The following OSBPL1A variants were observed in gnomAD, a reference collection of about 807,000 sequenced individuals.
The protein encoded by OSBPL1A is oxysterol-binding protein-related protein 1.
In OSBPL1A, 80 loss-of-function variants were observed where a neutral mutation model predicts 137.1. The ratio of observed to expected loss-of-function variants is 0.58; its 90% confidence interval spans 0.49 to 0.70. The LOEUF (loss-of-function observed/expected upper bound fraction) is 0.70. Among genes scored for constraint, OSBPL1A ranks in the 30% least tolerant of loss-of-function variants. The pLI, the probability that OSBPL1A is intolerant of heterozygous loss-of-function variation, is 0.00. For synonymous variants in OSBPL1A, 365 were observed against 389.7 expected (o/e 0.94, Z 0.75); for missense variants, 970 against 1,129.4 (o/e 0.86, Z 2.02).
chr18:24,270,697 G>A (rs145260227), intron 15 of OSBPL1A, among the ~76,000 whole-genome samples: 7 of 152,074 alleles, frequency 4.6e-5, no homozygotes, highest in African/African-American at 1.7e-4. Flanking sequence ...ATTAACTTCG[G>A]TGTGTCCTCA....
chr18:24,168,439 T>G (rs2086195009), intron 24 of OSBPL1A, among the ~76,000 whole-genome samples: 1 of 152,168 alleles, frequency 6.6e-6, no homozygotes, highest in Admixed American at 6.5e-5. Context: ...AAAAGAGAAT[T>G]TTTCATTAGA....
intron 17 of OSBPL1A, among the ~76,000 whole-genome samples, chr18:24,206,788 T>C (rs1347300187): frequency 1.3e-5 from 2 of 152,164 alleles, no homozygotes; most frequent in South Asian, 2.1e-4. Context: ...ACAATGAAAT[T>C]GGCTAGTTCC....
chr18:24,174,760 C>A (rs777019425), intron 21 of OSBPL1A, among the ~76,000 whole-genome samples: 1 of 151,856 alleles, frequency 6.6e-6, no homozygotes, highest in Admixed American at 6.6e-5. Context: ...TGCTGTTGAA[C>A]ATCTTTTTAA....
At chr18:24,214,405 C>T (rs1423012081) in intron 17 of OSBPL1A, among the ~76,000 whole-genome samples, 1 of 152,202 alleles carries the variant, frequency 6.6e-6, no homozygotes, top group Non-Finnish European at 1.5e-5. Flanking sequence ...CACACATCTA[C>T]TAACATCTCT....
intron 1 of OSBPL1A, among the ~76,000 whole-genome samples, chr18:24,395,687 C>T (rs2144297167): frequency 6.6e-6 from 1 of 151,836 alleles, no homozygotes; most frequent in South Asian, 2.1e-4. Context: ...ACAGCACGAT[C>T]TCCATTCACT....
intron 14 of OSBPL1A, among the ~76,000 whole-genome samples, chr18:24,300,963 G>A (rs1199902266): frequency 2.6e-5 from 4 of 151,972 alleles, no homozygotes; most frequent in South Asian, 2.1e-4. Flanking sequence ...CACCCTCCCG[G>A]GACTATAGGT....
intron 17 of OSBPL1A, among the ~76,000 whole-genome samples, chr18:24,197,605 A>G (rs531977315): frequency 6.6e-6 from 1 of 152,106 alleles, no homozygotes; most frequent in African/African-American, 2.4e-5. Context: ...AATCTGCTGG[A>G]TAAGTGGCCA....
intron 16 of OSBPL1A, among the ~76,000 whole-genome samples, chr18:24,232,273 G>C (rs897404307): frequency 4.6e-5 from 7 of 152,080 alleles, no homozygotes; most frequent in Non-Finnish European, 1.0e-4. Context: ...AGTCCAGAGG[G>C]GGCTGCCAAG....
intron 16 of OSBPL1A, 109 bp downstream of exon 16, chr18:24,239,111 A>C (rs571023298): frequency 8.3e-6 from 11 of 1,323,956 alleles, no homozygotes; most frequent in Admixed American, 2.5e-5. Flanking sequence ...TTATTCCAGG[A>C]AACTCTAGGT....
At chr18:24,338,550 C>T (rs1303712932) in intron 5 of OSBPL1A, among the ~76,000 whole-genome samples, 1 of 152,188 alleles carries the variant, frequency 6.6e-6, no homozygotes, top group Non-Finnish European at 1.5e-5. Context: ...ACTCCATCAA[C>T]TAGGCAATCA....
chr18:24,272,745 C>T (rs1391507568), intron 15 of OSBPL1A, among the ~76,000 whole-genome samples: 2 of 152,086 alleles, frequency 1.3e-5, no homozygotes, highest in African/African-American at 2.4e-5. Flanking sequence ...TCACAAGATC[C>T]TAGGTACTTT....
chr18:24,378,188 GAAGT>G (rs891099865), intron 1 of OSBPL1A, among the ~76,000 whole-genome samples: 1 of 152,028 alleles, frequency 6.6e-6, no homozygotes, highest in Non-Finnish European at 1.5e-5. Context: ...GCAATTCCCA[GAAGT>G]ATGTCATTCT....
intron 4 of OSBPL1A, among the ~76,000 whole-genome samples, chr18:24,355,810 C>T (rs1199933455): frequency 6.6e-6 from 1 of 151,936 alleles, no homozygotes; most frequent in Non-Finnish European, 1.5e-5. Context: ...CATGGTGAAA[C>T]CCTGACTCTA....
At chr18:24,239,027 C>T (rs2088593347) in intron 16 of OSBPL1A, among the ~76,000 whole-genome samples, 193 bp downstream of exon 16, 1 of 152,212 alleles carries the variant, frequency 6.6e-6, no homozygotes, top group Admixed American at 6.5e-5. Flanking sequence ...TTTCATTCCA[C>T]ACTTTCAGAC....
chr18:24,368,029 C>G, intron 3 of OSBPL1A: 1 of 262,820 alleles, frequency 3.8e-6, no homozygotes, highest in Non-Finnish European at 7.1e-6. Flanking sequence ...AAAATAAAAT[C>G]TTCATTAATA....
chr18:24,299,387 A>G (rs939586459), intron 14 of OSBPL1A, among the ~76,000 whole-genome samples: 2 of 152,090 alleles, frequency 1.3e-5, no homozygotes, highest in Non-Finnish European at 2.9e-5. Flanking sequence ...TTTGTTTCAC[A>G]ATTTAGAACT....
At chr18:24,190,151 A>T (rs1415685631) in intron 18 of OSBPL1A, among the ~76,000 whole-genome samples, 4 of 152,142 alleles carry the variant, frequency 2.6e-5, no homozygotes, top group African/African-American at 7.2e-5. Flanking sequence ...CAACACCTAC[A>T]CAGGAATGTG....
intron 7 of OSBPL1A, among the ~76,000 whole-genome samples, chr18:24,322,267 G>A (rs911663209): frequency 4.0e-5 from 6 of 149,496 alleles, no homozygotes; most frequent in East Asian, 3.9e-4. Flanking sequence ...CCACCATCAC[G>A]CCCGGCTAAT....
intron 15 of OSBPL1A, among the ~76,000 whole-genome samples, chr18:24,278,924 T>A (rs924716209): frequency 5.9e-5 from 9 of 152,240 alleles, no homozygotes; most frequent in African/African-American, 2.2e-4. Context: ...TGAGGAGGGA[T>A]ATTTTCAAAC....
Sources: gnomAD v4.1 joint callset for allele counts (sites outside exome capture counted in the v4.1 genomes callset) on GRCh38, gnomAD v4.1.1 for gene constraint, MANE v1.5 for transcripts, NCBI Gene and HGNC (gene_info 2026-07-23, HGNC 2026-07-21) for gene names.